The following DPY19L2 variants were observed in gnomAD, a reference collection of about 807,000 sequenced individuals.
DPY19L2 encodes dpy-19 like 2.
A neutral mutation model predicts 97.9 loss-of-function variants in DPY19L2; 34 were observed. The observed-to-expected ratio is 0.35, with a 90% CI of 0.26 to 0.46. DPY19L2 has a LOEUF of 0.46. Among genes scored for constraint, DPY19L2 ranks in the 20% least tolerant of loss-of-function variants. The probability of loss-of-function intolerance (pLI) is 1.00; values close to 1 mark genes in which losing one functional copy is unlikely to be tolerated. For missense variants in DPY19L2, 623 were observed against 911.4 expected (o/e 0.68, Z 4.07); for synonymous variants, 230 against 307.9 (o/e 0.75, Z 2.65).
At chr12:63,620,898 G>C (rs1888585306) in intron 9 of DPY19L2, among the ~76,000 whole-genome samples, 2 of 152,034 alleles carry the variant, frequency 1.3e-5, no homozygotes, top group South Asian at 4.1e-4. Context: ...ACAAGATCAG[G>C]TCCTTTGCAG....
chr12:63,625,781 C>T lies in DPY19L2; in HGVS notation c.861+688G>A, dbSNP rs540850470. Reference sequence around the variant, plus strand: ...TCTTTCATTGTTGTTAAGGGGAGTGCAATGTATACAAAGTTTCAGTTAGGC... The same window carrying T: ...TCTTTCATTGTTGTTAAGGGGAGTGTAATGTATACAAAGTTTCAGTTAGGC... On this transcript the variant is annotated intron_variant, in intron 7 of 21. Coordinates refer to ENST00000324472, the MANE Select transcript of DPY19L2 (RefSeq NM_173812.5). Among the ~76,000 whole-genome samples the T allele has an allele frequency of 4.6e-4, 70 of 152,076 alleles. 1 individual carries two copies. The highest frequency in any genetic ancestry group is 1.7e-3 in the African/African-American group (69 of 41,496).
At chr12:63,655,209 C>T (rs925901906) in intron 4 of DPY19L2, among the ~76,000 whole-genome samples, 38 of 151,904 alleles carry the variant, frequency 2.5e-4, no homozygotes, top group Admixed American at 2.1e-3. Flanking sequence ...CAAATAAGCA[C>T]AAAAAGATGT....
At chr12:63,576,455 AAGAG>A (rs1879845896) in intron 19 of DPY19L2, among the ~76,000 whole-genome samples, 1 of 151,922 alleles carries the variant, frequency 6.6e-6, no homozygotes, top group African/African-American at 2.4e-5. Flanking sequence ...GCAATCAGAC[AAGAG>A]AAAGAAAGAA....
chr12:63,621,870 T>C (rs1888746991), intron 8 of DPY19L2, among the ~76,000 whole-genome samples: 1 of 152,152 alleles, frequency 6.6e-6, no homozygotes, highest in South Asian at 2.1e-4. Context: ...GAAGTTTAAA[T>C]TGTCCATTCT....
chr12:63,668,745 G>A (rs998716285), upstream of DPY19L2: 12 of 294,510 alleles, frequency 4.1e-5, no homozygotes, highest in Non-Finnish European at 6.4e-5. Flanking sequence ...AAGCCCACAT[G>A]CGCAGTCCTC....
intron 16 of DPY19L2, among the ~76,000 whole-genome samples, chr12:63,591,934 A>C (rs1317614700): frequency 1.8e-5 from 2 of 113,314 alleles, no homozygotes; most frequent in Non-Finnish European, 3.5e-5. Flanking sequence ...ACAGAGCAAG[A>C]CTCTGTGAAA....
intron 12 of DPY19L2, among the ~76,000 whole-genome samples, chr12:63,600,987 G>A (rs1444472827): frequency 2.0e-5 from 3 of 151,926 alleles, no homozygotes; most frequent in African/African-American, 7.2e-5. Context: ...GGGTTTCACC[G>A]TGTTAGCCAG....
intron 4 of DPY19L2, among the ~76,000 whole-genome samples, chr12:63,657,277 T>C (rs547256325): frequency 6.6e-6 from 1 of 152,342 alleles, no homozygotes; most frequent in South Asian, 2.1e-4. Flanking sequence ...CTATGGACAC[T>C]AGTGATTTCA....
chr12:63,630,307 G>C (rs531870144), intron 6 of DPY19L2, among the ~76,000 whole-genome samples: 2,034 of 152,128 alleles, frequency 0.013, 23 homozygotes, highest in Non-Finnish European at 0.021. Flanking sequence ...TCAGTGTGCT[G>C]TATTCAGGAA....
At chr12:63,667,899 T>C (rs964831674) in intron 1 of DPY19L2, among the ~76,000 whole-genome samples, 158 bp downstream of exon 1, 1 of 152,076 alleles carries the variant, frequency 6.6e-6, no homozygotes, top group African/African-American at 2.4e-5. Context: ...TCTCCCCTGG[T>C]TCAATGACAA....
At chr12:63,599,190 A>G (rs575022897) in intron 13 of DPY19L2, among the ~76,000 whole-genome samples, 2 of 152,024 alleles carry the variant, frequency 1.3e-5, no homozygotes, top group Admixed American at 1.3e-4. Context: ...AAAAAAAAAA[A>G]AAAAAAAGAT....
intron 16 of DPY19L2, among the ~76,000 whole-genome samples, chr12:63,593,010 A>AT (rs1363756477): frequency 5.3e-5 from 8 of 151,532 alleles, no homozygotes; most frequent in Admixed American, 1.3e-4. Flanking sequence ...AAAAGAAGAC[A>AT]TTTATGCAGC....
chr12:63,629,385 C>A (rs924200729), intron 6 of DPY19L2, among the ~76,000 whole-genome samples: 11 of 152,258 alleles, frequency 7.2e-5, no homozygotes, highest in African/African-American at 2.6e-4. Context: ...CCGGATGCAG[C>A]TGAAAACCAA....
intron 16 of DPY19L2, among the ~76,000 whole-genome samples, chr12:63,586,079 G>C (rs1438578861): frequency 6.6e-6 from 1 of 152,094 alleles, no homozygotes; most frequent in Non-Finnish European, 1.5e-5. Flanking sequence ...AGGCTAAAGT[G>C]AAAGAATAAG....
chr12:63,600,747 G>A (rs1236083678), intron 12 of DPY19L2, among the ~76,000 whole-genome samples: 2 of 151,258 alleles, frequency 1.3e-5, no homozygotes, highest in African/African-American at 2.4e-5. Flanking sequence ...CGTGTGCATC[G>A]GAAAAGTGGC....
chr12:63,581,989 T>C (rs1229718774), intron 18 of DPY19L2, among the ~76,000 whole-genome samples: 1 of 149,524 alleles, frequency 6.7e-6, no homozygotes, highest in East Asian at 2.0e-4. Context: ...TTAGTAGAGA[T>C]GGAGTTTCAC....
chr12:63,573,872 G>A (rs1351762221), intron 19 of DPY19L2, among the ~76,000 whole-genome samples: 3 of 152,028 alleles, frequency 2.0e-5, no homozygotes, highest in Non-Finnish European at 4.4e-5. Flanking sequence ...ACTTCCCAGT[G>A]AAACAAAAGC....
intron 17 of DPY19L2, 123 bp downstream of exon 17, chr12:63,583,689 T>G: frequency 2.4e-6 from 2 of 818,274 alleles, no homozygotes; most frequent in South Asian, 1.9e-5. Flanking sequence ...AGCAGAAATT[T>G]ATCACCAATG....
intron 12 of DPY19L2, among the ~76,000 whole-genome samples, chr12:63,607,784 C>T (rs1443447686): frequency 1.3e-5 from 2 of 152,098 alleles, no homozygotes; most frequent in African/African-American, 4.8e-5. Flanking sequence ...AGGCTCATGC[C>T]ACCATGCCCA....
Sources: allele counts gnomAD v4.1 joint callset (sites outside exome capture counted in the v4.1 genomes callset), GRCh38; gene constraint gnomAD v4.1.1; transcripts MANE v1.5; gene names NCBI Gene and HGNC (gene_info 2026-07-23, HGNC 2026-07-21).